Variants in ABCC6 observed in about 807,000 individuals in gnomAD.
ABCC6 encodes the protein ATP binding cassette subfamily C member 6.
A neutral mutation model predicts 169.5 loss-of-function variants in ABCC6; 126 were observed. The observed-to-expected ratio is 0.74, with a 90% CI of 0.64 to 0.86. The LOEUF (loss-of-function observed/expected upper bound fraction) is 0.86. Among genes scored for constraint, ABCC6 ranks in the 40% least tolerant of loss-of-function variants. ABCC6 has a pLI of 0.00. For missense variants in ABCC6, 1,733 were observed against 1,927.2 expected, an observed-to-expected ratio of 0.90 and a Z score of 1.89; for synonymous variants, 752 against 814.7, an observed-to-expected ratio of 0.92 and a Z score of 1.31.
chr16:16,193,435 G>A lies in ABCC6; in HGVS notation c.1339-513C>T, dbSNP rs574216074. ...TTTACTAAAAAACTTGCTTTTGGCCGGGCACGGTGGATCATGCCTGTAATA... is the reference window on the plus strand; with the variant it reads ...TTTACTAAAAAACTTGCTTTTGGCCAGGCACGGTGGATCATGCCTGTAATA... On this transcript the variant is annotated intron_variant, in intron 10 of 30. Coordinates refer to ENST00000205557, the MANE Select transcript of ABCC6 (RefSeq NM_001171.6). Among the ~76,000 whole-genome samples the A allele has an allele frequency of 1.1e-4, 16 of 152,230 alleles. No homozygotes were observed. In the East Asian group the frequency reaches 1.9e-3, roughly 18 times the overall value.
intron 6 of ABCC6, among the ~76,000 whole-genome samples, chr16:16,211,563 T>C (rs1202929167): frequency 6.6e-6 from 1 of 152,160 alleles, no homozygotes; most frequent in Admixed American, 6.5e-5. Flanking sequence ...AGAGGTTAAG[T>C]AACTGTCCAA....
intron 29 of ABCC6, among the ~76,000 whole-genome samples, chr16:16,153,489 C>T (rs930209608): frequency 1.3e-5 from 2 of 150,696 alleles, no homozygotes; most frequent in Admixed American, 1.3e-4. Flanking sequence ...AGAGTAGTCA[C>T]ACTCAGAGAG....
At position 16,194,938 on chromosome 16, in the gene ABCC6, CCAAAGT is replaced by C. The variant is rs562695504; in HGVS notation, c.1339-2022_1339-2017del. 2.0e-4 allele frequency among the ~76,000 whole-genome samples: 30 copies of C among 152,188 alleles called. No homozygotes were observed. In the South Asian group the frequency reaches 6.0e-3, roughly 31 times the overall value. On this transcript the variant is annotated intron_variant, in intron 10 of 30. Transcript: ENST00000205557. Reference sequence around the variant, plus strand: ...CAAGTGATCCACCCACCTCAGCCTCCCAAAGTGCTGATATTACAGGTTTGAGCCACC... The same window carrying C: ...CAAGTGATCCACCCACCTCAGCCTCCGCTGATATTACAGGTTTGAGCCACC...
chr16:16,150,391 G>C, intron 30 of ABCC6, 150 bp from the exon 31 acceptor site: 1 of 1,521,480 alleles, frequency 6.6e-7, no homozygotes, highest in Non-Finnish European at 8.9e-7. Context: ...GGTTGGAAGC[G>C]TGTGCTGGGC....
chr16:16,176,799 T>A (rs1429975114), intron 19 of ABCC6, among the ~76,000 whole-genome samples: 1 of 152,222 alleles, frequency 6.6e-6, no homozygotes, highest in Non-Finnish European at 1.5e-5. Flanking sequence ...ACTAGTTCCT[T>A]AACTTCTGGG....
chr16:16,173,206 G>A (rs1337493073), intron 21 of ABCC6, 78 bp downstream of exon 21: 1 of 1,598,158 alleles, frequency 6.3e-7, no homozygotes, highest in South Asian at 1.1e-5. Context: ...ACTGCCAAGT[G>A]CTACATTTGG....
At chr16:16,170,721 C>G (rs1452633852) in intron 21 of ABCC6, among the ~76,000 whole-genome samples, 1 of 151,686 alleles carries the variant, frequency 6.6e-6, no homozygotes, top group Non-Finnish European at 1.5e-5. Context: ...AGTTTGAGAC[C>G]AGCCTGGACC....
At chr16:16,204,262 G>C (rs1438494033) in intron 7 of ABCC6, among the ~76,000 whole-genome samples, 1 of 152,098 alleles carries the variant, frequency 6.6e-6, no homozygotes, top group African/African-American at 2.4e-5. Flanking sequence ...TGCCATGTTG[G>C]CCAGGTTGGT....
chr16:16,185,003 A>C lies in ABCC6; in HGVS notation c.1899T>G (p.Ser633Arg). 1.9e-6 allele frequency: 3 copies of C among 1,613,806 alleles called. No individual in the cohort carries two copies. In the East Asian group the frequency reaches 6.7e-5, roughly 36 times the overall value. The change falls in exon 15 of 31, where the codon AGT becomes AGG. Residue 633 changes from serine (S) to arginine (R), a missense_variant. By Grantham distance (110) the Ser-to-Arg change is moderately radical. This residue lies in a region of ABCC6 where 1,601 missense variants were observed against 1,635.5 expected (regional missense o/e 0.98). Coordinates refer to ENST00000205557, the MANE Select transcript of ABCC6 (RefSeq NM_001171.6). ...TTTCCTGGGACCAGGCGAAGGTGGC[A>C]CTGTGTATGGTGATGCAATCCTTCC... ...AAGKDCITIH[S>R]ATFAWSQESP... is the part of the protein sequence containing the mutation.
chr16:16,152,192 CAAAA>C (rs61339757), intron 29 of ABCC6, among the ~76,000 whole-genome samples: 7 of 40,316 alleles, frequency 1.7e-4, no homozygotes, highest in African/African-American at 4.8e-4. Flanking sequence ...GACTCTGTCT[CAAAA>C]AAAAAAAAAA....
At chr16:16,191,306 G>A (rs1047203632) in intron 11 of ABCC6, among the ~76,000 whole-genome samples, 1 of 152,124 alleles carries the variant, frequency 6.6e-6, no homozygotes, top group Admixed American at 6.5e-5. Context: ...TGTGGAGGCA[G>A]GGTTATGCCA....
chr16:16,221,872 A>T (rs2049087074), intron 1 of ABCC6, 41 bp from the exon 2 acceptor site: 3 of 1,612,016 alleles, frequency 1.9e-6, no homozygotes, highest in Non-Finnish European at 2.5e-6. Context: ...GGTACAAGGC[A>T]GGGGTCCCCA....
chr16:16,160,092 T>G lies in ABCC6; in HGVS notation c.3634-509A>C, dbSNP rs550551145. ...CCCACCCTCTCCAGCCACACCCGTCTTCTTGCTGTTCCTCTAACACACCAG... is the reference window on the plus strand; with the variant it reads ...CCCACCCTCTCCAGCCACACCCGTCGTCTTGCTGTTCCTCTAACACACCAG... On this transcript the variant is annotated intron_variant, in intron 25 of 30. Transcript: ENST00000205557. Among the ~76,000 whole-genome samples, 7 of 152,242 alleles carry G rather than the reference T, an allele frequency of 4.6e-5. No individual in the cohort carries two copies. The East Asian group carries it at 1.2e-3, about 25-fold the overall frequency.
chr16:16,158,259 T>C (rs1457492304), intron 26 of ABCC6, among the ~76,000 whole-genome samples: 2 of 152,202 alleles, frequency 1.3e-5, no homozygotes, highest in Non-Finnish European at 2.9e-5. Flanking sequence ...CCAGGCACTC[T>C]ATTAAATCAT....
chr16:16,182,620 A>G lies in ABCC6; in HGVS notation c.2071-32T>C, dbSNP rs757257513. The G allele has an allele frequency of 3.1e-6, 5 of 1,604,712 alleles. No individual in the cohort carries two copies. In the South Asian group the frequency reaches 5.5e-5, roughly 18 times the overall value. On this transcript the variant is annotated intron_variant, in intron 16 of 30. Transcript: ENST00000205557. Reference sequence around the variant, plus strand: ...CACAACTTACTTTGGTCACAGGAGGATGATGGGGACAGAGGTGGGATAGGT... The same window carrying G: ...CACAACTTACTTTGGTCACAGGAGGGTGATGGGGACAGAGGTGGGATAGGT...
chr16:16,210,722 C>A (rs999961726), intron 6 of ABCC6, among the ~76,000 whole-genome samples: 11 of 152,216 alleles, frequency 7.2e-5, no homozygotes, highest in Non-Finnish European at 1.5e-5. Context: ...CTGGACCCCC[C>A]AGTAGAGCTG....
Position 16,198,014 on chromosome 16 carries a change from G to T in ABCC6, c.1338+7C>A, listed in dbSNP as rs9940089. ...CGTTCAAATCCCGTCTTCCTCCTCTGGCATACCTGCCAGAGATAGACGAAG... is the reference window on the plus strand; with the variant it reads ...CGTTCAAATCCCGTCTTCCTCCTCTTGCATACCTGCCAGAGATAGACGAAG... On this transcript the variant is annotated splice_region_variant and intron_variant, in intron 10 of 30. Coordinates refer to ENST00000205557, the MANE Select transcript of ABCC6 (RefSeq NM_001171.6). The T allele has an allele frequency of 9.3e-6, 15 of 1,612,890 alleles. No homozygotes were observed. The highest frequency in any genetic ancestry group is 6.7e-5 in the African/African-American group (5 of 74,760).
chr16:16,180,146 G>A (rs889619882), intron 17 of ABCC6, among the ~76,000 whole-genome samples: 6 of 152,168 alleles, frequency 3.9e-5, no homozygotes, highest in African/African-American at 1.4e-4. Context: ...GGAACAATAA[G>A]GAATGGCTGT....
Position 16,216,095 on chromosome 16 carries a change from T to C in ABCC6, c.475-1646A>G, listed in dbSNP as rs549776810. On this transcript the variant is annotated intron_variant, in intron 4 of 30. Transcript: ENST00000205557. ...CCAGCACGCCTGGCTACTTTTTTTG[T>C]ATTTTTAGTAGAGACAGGGTTTCAC... Among the ~76,000 whole-genome samples the C allele has an allele frequency of 3.0e-4, 46 of 152,214 alleles. 1 individual carries two copies. The South Asian group carries it at 9.3e-3, about 31-fold the overall frequency.
Sources: allele counts gnomAD v4.1 joint callset (sites outside exome capture counted in the v4.1 genomes callset), GRCh38; gene constraint gnomAD v4.1.1; regional missense constraint gnomAD v4.1.1; transcripts MANE v1.5; gene names NCBI Gene and HGNC (gene_info 2026-07-23, HGNC 2026-07-21).